The following BCORL1 variants were observed in gnomAD, a reference collection of about 807,000 sequenced individuals.
The protein encoded by BCORL1 is BCL6 corepressor like 1, also known as BCL-6 corepressor-like protein 1.
A neutral mutation model predicts 87.6 loss-of-function variants in BCORL1; 7 were observed. That is an observed-to-expected ratio of 0.08 (90% confidence interval 0.05 to 0.15). The LOEUF is 0.15. BCORL1 is among the 10% of genes least tolerant of loss of function. The probability of loss-of-function intolerance (pLI) is 1.00; values close to 1 mark genes in which losing one functional copy is unlikely to be tolerated. For missense variants in BCORL1, 1,215 were observed against 1,499.7 expected (o/e 0.81, Z 3.13); for synonymous variants, 591 against 634.4 (o/e 0.93, Z 1.03).
chrX:130,036,294 T>C (rs1433537040), intron 9 of BCORL1, among the ~76,000 whole-genome samples: 1 of 108,817 alleles, frequency 9.2e-6, no homozygotes, highest in East Asian at 2.9e-4. Context: ...GGAGTCTTGC[T>C]CTGTCACCTA....
chrX:129,989,297 G>A (rs1181969855), intron 1 of BCORL1, among the ~76,000 whole-genome samples: 3 of 97,788 alleles, frequency 3.1e-5, no homozygotes, highest in African/African-American at 7.6e-5. Context: ...CACCATGCCC[G>A]GCTAATTTTT....
chrX:129,990,448 G>A (rs758316969), intron 1 of BCORL1, among the ~76,000 whole-genome samples: 1 of 109,048 alleles, frequency 9.2e-6, no homozygotes, highest in Non-Finnish European at 1.9e-5. Context: ...AGCCAGGATG[G>A]TCTCAATCTC....
Position 130,021,445 on chromosome X carries a change from C to T in BCORL1, c.3607+295C>T, listed in dbSNP as rs181452779. ...CATTTCCCCGCGATGGGTCTAGGCT[C>T]AAAGAAACAAGTTTAAGGAGAATTT... On this transcript the variant is annotated intron_variant, in intron 5 of 13. Coordinates refer to ENST00000540052, the MANE Select transcript of BCORL1 (RefSeq NM_001379451.1). The T allele has an allele frequency of 2.5e-3, 553 of 217,257 alleles. 2 individuals carry two copies. The highest frequency in any genetic ancestry group is 3.4e-3 in the Non-Finnish European group (513 of 149,681). 17.9% of individuals were successfully genotyped at this position (217,257 alleles called of 1,213,427 possible).
chrX:129,986,008 C>G (rs746395729), intron 1 of BCORL1, among the ~76,000 whole-genome samples: 35 of 110,992 alleles, frequency 3.2e-4, no homozygotes, highest in Non-Finnish European at 6.2e-4. Context: ...CGCCACCACG[C>G]CTGGCTAATT....
upstream of BCORL1, among the ~76,000 whole-genome samples, chrX:129,980,374 G>C (rs1321094231): frequency 8.8e-6 from 1 of 113,190 alleles, no homozygotes; most frequent in East Asian, 2.8e-4. Context: ...GACAGCGGCC[G>C]GGGGCTCTGC....
chrX:130,001,088 T>A (rs1232328172), intron 1 of BCORL1, among the ~76,000 whole-genome samples: 1 of 111,362 alleles, frequency 9.0e-6, no homozygotes, highest in Non-Finnish European at 1.9e-5. Flanking sequence ...TTTTTTTTTC[T>A]TTTTCTTTTT....
At chrX:130,050,899 C>A in intron 12 of BCORL1, 105 bp downstream of exon 12, 1 of 687,378 alleles carries the variant, frequency 1.5e-6, no homozygotes, top group Non-Finnish European at 2.2e-6. Context: ...CCCTTTCAGA[C>A]CAAACCTGAA....
At chrX:129,993,262 G>A (rs1040940232) in intron 1 of BCORL1, among the ~76,000 whole-genome samples, 4 of 112,446 alleles carry the variant, frequency 3.6e-5, no homozygotes. Context: ...ATAAAGCTAT[G>A]ATGAGGTGTT....
chrX:129,999,693 C>G (rs1008195800), intron 1 of BCORL1, among the ~76,000 whole-genome samples: 4 of 103,148 alleles, frequency 3.9e-5, no homozygotes, highest in Non-Finnish European at 6.0e-5. Flanking sequence ...TTCCCCCCCC[C>G]CAGACAGAGT....
rs147661750 is a variant in BCORL1 at position 130,039,152 on chromosome X, G to A, written c.4710G>A (p.Ala1570=). Reference sequence around the variant, plus strand: ...ACCTCCACAGGCCAGTTCATGATGCGGTGGTCAATGACAACCTGGAGACCA... The same window carrying A: ...ACCTCCACAGGCCAGTTCATGATGCAGTGGTCAATGACAACCTGGAGACCA... The part of the protein sequence containing the change: ...AQDGTRPVHD[A]VVNDNLETIW... Residue 1570 remains alanine (A), a synonymous_variant, in exon 11 of 14, where the codon GCG becomes GCA. Transcript: ENST00000540052. 5.5e-5 allele frequency: 67 copies of A among 1,209,512 alleles called. No individual in the cohort carries two copies. The highest frequency in any genetic ancestry group is 1.1e-4 in the African/African-American group (6 of 57,054).
In BCORL1 at chrX:130,041,818, G is replaced by A. The variant is rs111757253; in HGVS notation, c.4840+2536G>A. 6.8e-3 allele frequency among the ~76,000 whole-genome samples: 753 copies of A among 110,795 alleles called. 5 individuals carry two copies. The highest frequency in any genetic ancestry group is 0.023 in the African/African-American group (692 of 30,515). ...ATTTTTGTGTATTTTTAATAGAGAC[G>A]GGGTTTCACCATGTTAGCCAGGATG... On this transcript the variant is annotated intron_variant, in intron 11 of 13. Transcript: ENST00000540052.
Position 130,006,802 on chromosome X carries a change from C to CCT in BCORL1, c.86+1487_86+1488dup, listed in dbSNP as rs914590095. Among the ~76,000 whole-genome samples the CCT allele has an allele frequency of 8.1e-5, 9 of 111,328 alleles. No homozygotes were observed. In the Admixed American group the frequency reaches 8.7e-4, roughly 11 times the overall value. ...GGCCAGGCTGGTCTCGAACTCCTGA[C>CCT]CTCATGATCCACTCACCTCGGCCTC... On this transcript the variant is annotated intron_variant, in intron 2 of 13. Transcript: ENST00000540052.
At chrX:130,042,772 G>C (rs1381261342) in intron 11 of BCORL1, among the ~76,000 whole-genome samples, 1 of 111,001 alleles carries the variant, frequency 9.0e-6, no homozygotes, top group Admixed American at 9.6e-5. Flanking sequence ...AGGAACTGGA[G>C]ACCAGCCTGA....
rs551330446 is a variant in BCORL1, at chrX:129,998,399, C to T, written c.-44-6789C>T. On this transcript the variant is annotated intron_variant, in intron 1 of 13. Transcript: ENST00000540052. Reference sequence around the variant, plus strand: ...GTGGGAAGGGAGAACACATGAGTACCGGTGCTTCAAGCAAAAGCAAGCCAG... The same window carrying T: ...GTGGGAAGGGAGAACACATGAGTACTGGTGCTTCAAGCAAAAGCAAGCCAG... 9.0e-5 allele frequency among the ~76,000 whole-genome samples: 10 copies of T among 110,772 alleles called. No homozygotes were observed. In the Middle Eastern group the frequency reaches 0.014, roughly 153 times the overall value.
rs779852632 is a variant in BCORL1 at position 130,028,816 on chromosome X, A to G, written c.4260A>G (p.Arg1420=). 8 of 1,205,890 alleles carry G rather than the reference A, an allele frequency of 6.6e-6. No homozygotes were observed. Among genetic ancestry groups the G allele is most frequent in the African/African-American group, 5.4e-5 (3 of 55,932 alleles). The change falls in exon 8 of 14, where the codon CGA becomes CGG. Residue 1420 remains arginine (R), a synonymous_variant. Coordinates refer to ENST00000540052, the MANE Select transcript of BCORL1 (RefSeq NM_001379451.1). ...ATTCAGAAAAGCCATCAGGAAAACG[A>G]AAGTGCAAGACCAAGCACATGGCAA... ...LENSEKPSGK[R]KCKTKHMATV...
At chrX:130,021,213 G>A (rs1003787969) in intron 5 of BCORL1, 63 bp downstream of exon 5, 5 of 1,136,645 alleles carry the variant, frequency 4.4e-6, no homozygotes, top group Middle Eastern at 6.0e-4. Context: ...GCACAGTGGT[G>A]AGGGCAGAGG....
chrX:130,029,045 G>A (rs1366009947), intron 8 of BCORL1, among the ~76,000 whole-genome samples, 184 bp downstream of exon 8: 9 of 111,485 alleles, frequency 8.1e-5, no homozygotes, highest in Admixed American at 5.7e-4. Flanking sequence ...TAATTTTAAG[G>A]TCTGGCCCAT....
At chrX:130,026,968 C>A (rs1006237490) in intron 7 of BCORL1, among the ~76,000 whole-genome samples, 2 of 113,560 alleles carry the variant, frequency 1.8e-5, no homozygotes, top group Admixed American at 1.8e-4. Context: ...AGCCTCCTGA[C>A]TTTTCTTTTC....
intron 11 of BCORL1, among the ~76,000 whole-genome samples, chrX:130,041,635 T>C (rs1931321739): frequency 1.8e-5 from 2 of 111,589 alleles, no homozygotes; most frequent in Non-Finnish European, 3.8e-5. Flanking sequence ...GAGAAGACTT[T>C]TATTTTTTTT....
Sources: gnomAD v4.1 joint callset for allele counts (sites outside exome capture counted in the v4.1 genomes callset) on GRCh38, gnomAD v4.1.1 for gene constraint, MANE v1.5 for transcripts, NCBI Gene and HGNC (gene_info 2026-07-23, HGNC 2026-07-21) for gene names.